Variants in SCOC observed in about 807,000 individuals in gnomAD.
The protein encoded by SCOC is short coiled-coil protein.
In SCOC, 7 loss-of-function variants were observed where a neutral mutation model predicts 9.9. That is an observed-to-expected ratio of 0.71 (90% confidence interval 0.40 to 1.33). SCOC has a LOEUF of 1.33. Ranked by LOEUF, SCOC falls within the 40% of genes most tolerant of loss-of-function variation. The pLI is 0.01. For synonymous variants in SCOC, 19 were observed against 28.2 expected (o/e 0.67, Z 1.03); for missense variants, 66 against 89.7 (o/e 0.74, Z 1.07).
chr4:140,335,342 G>A (rs1354792154), intron 1 of SCOC, among the ~76,000 whole-genome samples: 2 of 152,172 alleles, frequency 1.3e-5, no homozygotes, highest in East Asian at 3.9e-4. Context: ...GAGTTGTTGT[G>A]AGGATAATGA....
chr4:140,380,658 A>G (rs1666198098), intron 3 of SCOC, among the ~76,000 whole-genome samples: 1 of 152,216 alleles, frequency 6.6e-6, no homozygotes, highest in South Asian at 2.1e-4. Flanking sequence ...TCTAGTAAAG[A>G]TGTTATAGTT....
At chr4:140,362,164 C>T (rs536237350) in intron 2 of SCOC, among the ~76,000 whole-genome samples, 1 of 150,762 alleles carries the variant, frequency 6.6e-6, no homozygotes, top group African/African-American at 2.4e-5. Flanking sequence ...TTGCTTCACA[C>T]TGGGCATGAT....
intron 1 of SCOC, among the ~76,000 whole-genome samples, chr4:140,312,096 T>G (rs1176549606): frequency 6.6e-6 from 1 of 152,212 alleles, no homozygotes; most frequent in Non-Finnish European, 1.5e-5. Context: ...TCTATTGCTT[T>G]CTCCACCCAT....
intron 1 of SCOC, among the ~76,000 whole-genome samples, chr4:140,310,102 C>T (rs62345652): frequency 6.6e-6 from 1 of 152,158 alleles, no homozygotes. Context: ...CAATAATCTT[C>T]CCTAAAATAT....
chr4:140,320,408 C>T (rs1732465162), intron 1 of SCOC, among the ~76,000 whole-genome samples: 1 of 152,142 alleles, frequency 6.6e-6, no homozygotes, highest in Admixed American at 6.5e-5. Flanking sequence ...TTCTTTTATG[C>T]CTCTACTTTC....
chr4:140,338,105 C>G (rs866430325), intron 1 of SCOC, among the ~76,000 whole-genome samples: 12 of 152,320 alleles, frequency 7.9e-5, no homozygotes, highest in Admixed American at 2.0e-4. Context: ...CCACCATGAT[C>G]AAGTGGGCTT....
chr4:140,373,851 C>T, intron 1 of SCOC, 134 bp downstream of exon 1: 4 of 976,138 alleles, frequency 4.1e-6, no homozygotes, highest in Non-Finnish European at 4.7e-6. Context: ...GGAGCGGTCT[C>T]GGGCCTGGGC....
chr4:140,264,135 G>A (rs945040812), intron 1 of SCOC, among the ~76,000 whole-genome samples: 1 of 152,066 alleles, frequency 6.6e-6, no homozygotes, highest in Non-Finnish European at 1.5e-5. Context: ...GAGTAGCTGG[G>A]GCTATAGGCA....
chr4:140,270,412 C>T (rs1482757743), intron 1 of SCOC, among the ~76,000 whole-genome samples: 1 of 152,156 alleles, frequency 6.6e-6, no homozygotes, highest in Non-Finnish European at 1.5e-5. Flanking sequence ...TAGCTCACTG[C>T]AGCCTCAACC....
intron 1 of SCOC, among the ~76,000 whole-genome samples, chr4:140,332,848 C>G (rs767094380): frequency 3.0e-4 from 45 of 152,254 alleles, no homozygotes; most frequent in African/African-American, 1.0e-3. Context: ...GTCTTCTAAA[C>G]TCACTTCCCT....
In SCOC at chr4:140,274,752, A is replaced by G. The variant is rs113653690; in HGVS notation, c.-19+17342A>G. ...TTCAGCTTCCTAAAATACAACTTTC[A>G]CCCTAGCACTTCCCTTCTCAAAAGC... is the stretch of plus-strand genomic sequence containing the variant. On this transcript the variant is annotated intron_variant, in intron 1 of 4. Coordinates refer to the SCOC transcript ENST00000394205. Among the ~76,000 whole-genome samples the G allele has an allele frequency of 3.1e-3, 469 of 152,186 alleles. 4 individuals are homozygous for G. The highest frequency in any genetic ancestry group is 0.014 in the Middle Eastern group (4 of 294).
chr4:140,363,346 A>AT (rs1028025339), intron 2 of SCOC, among the ~76,000 whole-genome samples: 1 of 152,108 alleles, frequency 6.6e-6, no homozygotes, highest in Admixed American at 6.5e-5. Context: ...ACTTGTATGC[A>AT]TTTTTTTCAG....
At chr4:140,336,355 C>G (rs1292583664) in intron 1 of SCOC, among the ~76,000 whole-genome samples, 2 of 152,158 alleles carry the variant, frequency 1.3e-5, no homozygotes, top group Non-Finnish European at 2.9e-5. Context: ...AAACACACCC[C>G]ATAGCCATTA....
At chr4:140,367,575 T>C (rs1727857969) in intron 2 of SCOC, among the ~76,000 whole-genome samples, 1 of 152,156 alleles carries the variant, frequency 6.6e-6, no homozygotes, top group Non-Finnish European at 1.5e-5. Flanking sequence ...AGACGGGGTT[T>C]CACCATGTTG....
At chr4:140,288,192 C>T (rs138877155) in intron 1 of SCOC, among the ~76,000 whole-genome samples, 176 of 152,010 alleles carry the variant, frequency 1.2e-3, no homozygotes, top group Non-Finnish European at 7.2e-4. Flanking sequence ...TAAAAATGAC[C>T]TACACCACAC....
At chr4:140,301,221 CTG>C (rs1731801733) in intron 1 of SCOC, among the ~76,000 whole-genome samples, 1 of 152,098 alleles carries the variant, frequency 6.6e-6, no homozygotes, top group African/African-American at 2.4e-5. Context: ...TGAAGGAACT[CTG>C]TTGTGCTTTC....
chr4:140,287,229 C>T (rs945468318), intron 1 of SCOC, among the ~76,000 whole-genome samples: 1 of 151,666 alleles, frequency 6.6e-6, no homozygotes, highest in African/African-American at 2.4e-5. Context: ...AGACCATGCA[C>T]ATACATACAC....
intron 1 of SCOC, among the ~76,000 whole-genome samples, chr4:140,259,681 C>T (rs1730586196): frequency 6.6e-6 from 1 of 152,174 alleles, no homozygotes; most frequent in Non-Finnish European, 1.5e-5. Context: ...TGCATTCCAG[C>T]CTGGGTGACA....
rs1049553336 is a variant in SCOC, at chr4:140,377,289, A to C, written c.-50-1832A>C. 2.0e-5 allele frequency among the ~76,000 whole-genome samples: 3 copies of C among 152,230 alleles called. No homozygotes were observed. In the East Asian group the frequency reaches 5.8e-4, roughly 29 times the overall value. On this transcript the variant is annotated intron_variant, in intron 1 of 3. Transcript: ENST00000608372. ...AGACATGTTGATTCAATGGAGAGGAATAGTTTTTGGAGTGTGGTCTTTAAA... is the reference window on the plus strand; with the variant it reads ...AGACATGTTGATTCAATGGAGAGGACTAGTTTTTGGAGTGTGGTCTTTAAA...
Sources: allele counts gnomAD v4.1 joint callset (sites outside exome capture counted in the v4.1 genomes callset), GRCh38; gene constraint gnomAD v4.1.1; transcripts MANE v1.5; gene names NCBI Gene and HGNC (gene_info 2026-07-23, HGNC 2026-07-21).